The following HPSE2 variants were observed in gnomAD, a reference collection of about 807,000 sequenced individuals.
HPSE2 encodes inactive heparanase-2.
HPSE2 carries 38 observed loss-of-function variants against 60.5 expected under a neutral mutation model. The ratio of observed to expected loss-of-function variants is 0.63; its 90% CI spans 0.48 to 0.82. The LOEUF (loss-of-function observed/expected upper bound fraction) is 0.82, where lower values mean the gene tolerates loss of function less well. Ranked by LOEUF, HPSE2 falls within the 40% of genes least tolerant of loss-of-function variation. The pLI is 0.00. For missense variants in HPSE2, 713 were observed against 740.4 expected (o/e 0.96, Z 0.43); for synonymous variants, 295 against 293.2 (o/e 1.01, Z -0.06).
the HPSE2 span, among the ~76,000 whole-genome samples, chr10:99,274,261 C>T: frequency 3.9e-5 from 6 of 152,082 alleles, no homozygotes; most frequent in Non-Finnish European, 8.8e-5. Flanking sequence ...GCAGGAGAAT[C>T]GTTTGAACCT....
intron 2 of HPSE2, among the ~76,000 whole-genome samples, chr10:99,168,481 A>G (rs1280290519): frequency 6.6e-6 from 1 of 152,194 alleles, no homozygotes; most frequent in Non-Finnish European, 1.5e-5. Flanking sequence ...TTCACTATGG[A>G]AATATCATCT....
At chr10:98,632,326 T>C (rs1946385595) in intron 7 of HPSE2, among the ~76,000 whole-genome samples, 1 of 152,208 alleles carries the variant, frequency 6.6e-6, no homozygotes, top group African/African-American at 2.4e-5. Context: ...ATCAGGACAT[T>C]ATTCAAAATC....
chr10:98,930,120 T>G (rs1312547861), intron 3 of HPSE2, among the ~76,000 whole-genome samples: 2 of 141,142 alleles, frequency 1.4e-5, no homozygotes, highest in South Asian at 2.1e-4. Flanking sequence ...TCAGCTCTTT[T>G]CTCTAATGCT....
At chr10:98,845,635 T>C (rs1952016732) in intron 3 of HPSE2, among the ~76,000 whole-genome samples, 1 of 152,216 alleles carries the variant, frequency 6.6e-6, no homozygotes, top group Admixed American at 6.5e-5. Context: ...ATAAATCCTG[T>C]TCTTAGTTCA....
At chr10:98,754,204 G>A (rs903174290) in intron 3 of HPSE2, among the ~76,000 whole-genome samples, 3 of 152,110 alleles carry the variant, frequency 2.0e-5, no homozygotes, top group African/African-American at 4.8e-5. Flanking sequence ...CAAAAATTTC[G>A]TGATACAATC....
In HPSE2 at chr10:98,498,078, G is replaced by C. The variant is rs570615598; in HGVS notation, c.1321-7882C>G. On this transcript the variant is annotated intron_variant, in intron 9 of 11. Coordinates refer to ENST00000370552, the MANE Select transcript of HPSE2 (RefSeq NM_021828.5). ...CTTTAAATATAGCTTTGAGGAGATT[G>C]GATCATCATGGTGGACGGGAGGCAG... 1.1e-4 allele frequency among the ~76,000 whole-genome samples: 16 copies of C among 152,266 alleles called. No individual in the cohort carries two copies. In the South Asian group the frequency reaches 3.3e-3, roughly 32 times the overall value.
At chr10:99,035,259 G>T (rs1015443642) in intron 3 of HPSE2, among the ~76,000 whole-genome samples, 1 of 152,052 alleles carries the variant, frequency 6.6e-6, no homozygotes, top group Non-Finnish European at 1.5e-5. Flanking sequence ...TTCTATAAAC[G>T]TTTTTCTATT....
rs191378999 is a variant in HPSE2 at position 98,579,657 on chromosome 10, T to C, written c.1320+35247A>G. ...TTTCCAAGGCTGATAATATTTGTAA[T>C]CTATTCTTTAACCAAGGCTATCGGA... On this transcript the variant is annotated intron_variant, in intron 9 of 11. Transcript: ENST00000370552. 2.3e-3 allele frequency among the ~76,000 whole-genome samples: 354 copies of C among 152,350 alleles called. 1 individual carries two copies. Among genetic ancestry groups the C allele is most frequent in the African/African-American group, 8.0e-3 (333 of 41,590 alleles).
chr10:98,966,031 C>T (rs1011899009), intron 3 of HPSE2, among the ~76,000 whole-genome samples: 2 of 152,078 alleles, frequency 1.3e-5, no homozygotes, highest in Non-Finnish European at 2.9e-5. Flanking sequence ...GCTGGGGTTA[C>T]AGGTGCCTGC....
chr10:99,163,706 T>C (rs148656361), intron 2 of HPSE2, among the ~76,000 whole-genome samples: 116 of 152,242 alleles, frequency 7.6e-4, no homozygotes, highest in African/African-American at 2.7e-3. Flanking sequence ...CATATTGCAT[T>C]AGTTTCCATG....
At chr10:99,076,095 T>C (rs1319077234) in intron 3 of HPSE2, among the ~76,000 whole-genome samples, 1 of 152,118 alleles carries the variant, frequency 6.6e-6, no homozygotes, top group East Asian at 1.9e-4. Flanking sequence ...CATTGCTTTC[T>C]GTTTGTCTTG....
At chr10:98,739,508 C>T (rs1485325558) in intron 4 of HPSE2, among the ~76,000 whole-genome samples, 3 of 151,734 alleles carry the variant, frequency 2.0e-5, no homozygotes, top group African/African-American at 7.3e-5. Context: ...ATACATTTAT[C>T]CACCTAAACT....
chr10:99,040,858 G>A (rs980095862), intron 3 of HPSE2, among the ~76,000 whole-genome samples: 4 of 152,002 alleles, frequency 2.6e-5, no homozygotes, highest in African/African-American at 4.8e-5. Flanking sequence ...AGGCCGAGGC[G>A]AGCGGATCAC....
intron 3 of HPSE2, among the ~76,000 whole-genome samples, chr10:98,896,335 G>A (rs1250090315): frequency 6.6e-6 from 1 of 152,080 alleles, no homozygotes; most frequent in African/African-American, 2.4e-5. Flanking sequence ...CTAGACCAGT[G>A]AGAGAGAAAA....
At chr10:98,732,483 A>G (rs74154338) in intron 4 of HPSE2, among the ~76,000 whole-genome samples, 2,017 of 152,272 alleles carry the variant, frequency 0.013, 55 homozygotes, top group African/African-American at 0.046. Flanking sequence ...AAAACTATGT[A>G]TGGTCAATTG....
intron 1 of HPSE2, 106 bp from the exon 2 acceptor site, chr10:99,232,611 G>A: frequency 7.8e-7 from 1 of 1,288,006 alleles, no homozygotes. Flanking sequence ...ACCTGGCCGG[G>A]GCTAGAGGCT....
At chr10:99,310,232 C>T in the HPSE2 span, among the ~76,000 whole-genome samples, 2 of 152,286 alleles carry the variant, frequency 1.3e-5, no homozygotes, top group South Asian at 2.1e-4. Context: ...CTGCAAAGAT[C>T]TTTTTTCTAA....
intron 3 of HPSE2, among the ~76,000 whole-genome samples, chr10:99,027,362 A>G (rs1957401020): frequency 6.6e-6 from 1 of 152,102 alleles, no homozygotes; most frequent in Admixed American, 6.6e-5. Flanking sequence ...AAATTGGAAA[A>G]TCTAGAACTG....
At chr10:98,886,822 T>C (rs1346811872) in intron 3 of HPSE2, among the ~76,000 whole-genome samples, 1 of 152,044 alleles carries the variant, frequency 6.6e-6, no homozygotes, top group Non-Finnish European at 1.5e-5. Flanking sequence ...CTTCCTCAAT[T>C]CAACAGGGAA....
Sources: allele counts gnomAD v4.1 joint callset (sites outside exome capture counted in the v4.1 genomes callset), GRCh38; gene constraint gnomAD v4.1.1; transcripts MANE v1.5; gene names NCBI Gene and HGNC (gene_info 2026-07-23, HGNC 2026-07-21).